TTC31: variants seen among roughly 807,000 people sequenced by gnomAD.
The protein encoded by TTC31 is tetratricopeptide repeat protein 31.
TTC31 carries 59 observed loss-of-function variants against 60.4 expected under a neutral mutation model. The ratio of observed to expected loss-of-function variants is 0.98; its 90% CI spans 0.79 to 1.21. The LOEUF is 1.21. TTC31 is among the 50% of genes most tolerant of loss of function. TTC31 has a pLI of 0.00. For missense variants in TTC31, 672 were observed against 646.9 expected (o/e 1.04, Z -0.42); for synonymous variants, 225 against 249.6 (o/e 0.90, Z 0.93).
intron 4 of TTC31, 27 bp downstream of exon 4, chr2:74,490,500 C>T (rs374588241): frequency 1.7e-5 from 27 of 1,570,912 alleles, no homozygotes; most frequent in East Asian, 4.7e-5. Flanking sequence ...AGGGCTTTGC[C>T]GTCCCCCAGG....
rs1223574979 is a variant in TTC31 at position 74,493,110 on chromosome 2, C to T, written c.1452C>T (p.Pro484=). The part of the protein sequence containing the change: ...PSCHRSHPNQ[P]LSQTQSRRPH... ...GTCACCGAAGCCACCCCAACCAGCC[C>T]CTCTCCCAGACTCAGAGTAGAAGGC... The change falls in exon 13 of 13, where the codon CCC becomes CCT. Residue 484 remains proline (P), a synonymous_variant. Coordinates refer to ENST00000233623, the MANE Select transcript of TTC31 (RefSeq NM_022492.6). 3 of 1,614,046 alleles carry T rather than the reference C, an allele frequency of 1.9e-6. No individual in the cohort carries two copies. Among genetic ancestry groups the T allele is most frequent in the Non-Finnish European group, 2.5e-6 (3 of 1,180,028 alleles).
At position 74,492,317 on chromosome 2, in the gene TTC31, C is replaced by A; in HGVS notation, c.1033C>A (p.Arg345Ser). 4 of 1,592,100 alleles carry A rather than the reference C, an allele frequency of 2.5e-6. No homozygotes were observed. In the South Asian group the frequency reaches 4.5e-5, roughly 18 times the overall value. Residue 345 changes from arginine (R) to serine (S), a missense_variant, in exon 11 of 13, where the codon CGT becomes AGT. Transcript: ENST00000233623. ...TGTCTTTATCAGGTTATTTGGAAAT[C>A]GTTCCTTCTGCCATGAGCGGTTGGG... ...NPQDHRLFGNRSFCHERLGQP... is the reference protein window; with the variant it reads ...NPQDHRLFGNSSFCHERLGQP...
intron 2 of TTC31, among the ~76,000 whole-genome samples, chr2:74,485,024 C>CT (rs544658393): frequency 0.013 from 1,658 of 122,900 alleles, 29 homozygotes; most frequent in South Asian, 0.052. Context: ...CTAAAATTTA[C>CT]TTTTTTTTTT....
In TTC31 at chr2:74,493,050, C is replaced by A. The variant is rs1254480131; in HGVS notation, c.1392C>A (p.Ser464=). 1 of 1,614,020 alleles carries A rather than the reference C, an allele frequency of 6.2e-7. No individual in the cohort carries two copies. The highest frequency in any genetic ancestry group is 1.3e-5 in the African/African-American group (1 of 74,900). ...GCCCTCGAAGCACTGCTTTGAGGTC[C>A]CCTGGCCTGTCTCCACTCTTGCATT... is the stretch of plus-strand genomic sequence containing the variant. ...LRCPRSTALR[S]PGLSPLLHYP... is the part of the protein sequence containing the mutation. The change falls in exon 13 of 13, where the codon TCC becomes TCA. Residue 464 remains serine, a synonymous_variant. Transcript: ENST00000233623.
chr2:74,492,679 A>G lies in TTC31; in HGVS notation c.1195A>G (p.Thr399Ala). The change falls in exon 12 of 13, where the codon ACT (threonine) becomes GCT (alanine). Residue 399 changes from threonine to alanine, a missense_variant. Physicochemically the swap from Thr to Ala is moderately conservative, Grantham distance 58 (BLOSUM62 0). Coordinates refer to ENST00000233623, the MANE Select transcript of TTC31 (RefSeq NM_022492.6). Reference protein sequence around the residue: ...FREAAAVFQETLRGGSQPDAA... With the variant: ...FREAAAVFQEALRGGSQPDAA... ...AGAGGCAGCTGCTGTGTTTCAGGAA[A>G]CTCTGAGAGGTGGGTCCCAGCCTGA... The G allele has an allele frequency of 1.2e-6, 2 of 1,613,926 alleles. No homozygotes were observed. The highest frequency in any genetic ancestry group is 2.2e-5 in the East Asian group (1 of 44,868).
intron 2 of TTC31, among the ~76,000 whole-genome samples, chr2:74,486,110 C>G (rs1250496349): frequency 6.6e-6 from 1 of 151,890 alleles, no homozygotes; most frequent in Non-Finnish European, 1.5e-5. Flanking sequence ...TACTAAAATA[C>G]AAAAAATTAG....
chr2:74,486,930 TC>T (rs1673184280), intron 2 of TTC31, among the ~76,000 whole-genome samples: 2 of 150,666 alleles, frequency 1.3e-5, no homozygotes, highest in Non-Finnish European at 2.9e-5. Flanking sequence ...AGAAGGCCTC[TC>T]TGAGAAAGTG....
Position 74,490,100 on chromosome 2 carries a change from A to G in TTC31, c.205A>G (p.Ser69Gly), listed in dbSNP as rs766651927. 2.5e-6 allele frequency: 4 copies of G among 1,591,432 alleles called. No homozygotes were observed. The highest frequency in any genetic ancestry group is 1.7e-4 in the Middle Eastern group (1 of 6,028). Residue 69 changes from serine (S) to glycine (G), a missense_variant, in exon 3 of 13, where the codon AGC becomes GGC. Coordinates refer to ENST00000233623, the MANE Select transcript of TTC31 (RefSeq NM_022492.6). ...GLHRIHVDGS[S>G]GRLQLWHHDY... ...GCACCGGATCCATGTGGATGGGAGC[A>G]GCGGGCGGCTGCAGCTGTGGCACCA...
Position 74,493,219 on chromosome 2 carries a change from G to A in TTC31, c.*1G>A, listed in dbSNP as rs752345943. 1 of 1,613,990 alleles carries A rather than the reference G, an allele frequency of 6.2e-7. No individual in the cohort carries two copies. The highest frequency in any genetic ancestry group is 1.1e-5 in the South Asian group (1 of 91,070). On this transcript the variant is annotated 3_prime_UTR_variant, in exon 13 of 13. Transcript: ENST00000233623. ...CCAGCATCTGTCTCAGGCCAGATGA[G>A]GGGGCACCGGTCCCTCATAGGGCAG...
chr2:74,485,300 A>G (rs1005946166), intron 2 of TTC31, among the ~76,000 whole-genome samples: 1 of 151,924 alleles, frequency 6.6e-6, no homozygotes, highest in Non-Finnish European at 1.5e-5. Flanking sequence ...CTGGGGTTAC[A>G]GGCATGAGCC....
In TTC31 at chr2:74,492,962, C is replaced by T; in HGVS notation, c.1304C>T (p.Pro435Leu). The T allele has an allele frequency of 6.2e-7, 1 of 1,613,338 alleles. No homozygotes were observed. Among genetic ancestry groups the T allele is most frequent in the Non-Finnish European group, 8.5e-7 (1 of 1,179,426 alleles). Residue 435 changes from proline (P) to leucine (L), a missense_variant, in exon 13 of 13, where the codon CCT becomes CTT. Physicochemically the swap from Pro to Leu is moderately conservative, Grantham distance 98. Transcript: ENST00000233623. ...RGGICAPPLS[P>L]GALQPLPHAE... ...GGAATCTGTGCACCACCTCTGTCAC[C>T]TGGGGCCCTCCAGCCACTTCCCCAT... is the stretch of plus-strand genomic sequence containing the variant.
In TTC31 at chr2:74,490,066, C is replaced by T. The variant is rs981822615; in HGVS notation, c.171C>T (p.Pro57=). 6.3e-7 allele frequency: 1 copy of T among 1,580,278 alleles called. No homozygotes were observed. ...TTCGACGGCTTGTGGAGAGTGATCCCCAGGGCCTGCACCGGATCCATGTGG... is the reference window on the plus strand; with the variant it reads ...TTCGACGGCTTGTGGAGAGTGATCCTCAGGGCCTGCACCGGATCCATGTGG... ...DFLRRLVESD[P]QGLHRIHVDG... is the part of the protein sequence containing the mutation. Residue 57 remains proline, a synonymous_variant, in exon 3 of 13, where the codon CCC becomes CCT. Coordinates refer to ENST00000233623, the MANE Select transcript of TTC31 (RefSeq NM_022492.6).
chr2:74,493,438 C>A lies in TTC31; in HGVS notation c.*220C>A. On this transcript the variant is annotated 3_prime_UTR_variant, in exon 13 of 13. Transcript: ENST00000233623. ...TTGGTTCTCAAGCTTCTTCTGGAGG[C>A]AGTAAGGAAAAATAAAACCCACCAA... The A allele has an allele frequency of 1.9e-6, 1 of 539,494 alleles. No homozygotes were observed. Among genetic ancestry groups the A allele is most frequent in the South Asian group, 3.1e-5 (1 of 32,768 alleles). The allele number at this position is 539,494 out of a possible 1,614,324, so 33.4% of individuals were successfully genotyped here. A position where few individuals can be genotyped will look rare whatever the true frequency, so the allele number is the denominator to read the frequency against.
rs367840106 is a variant in TTC31 at position 74,490,736 on chromosome 2, G to C, written c.543G>C (p.Lys181Asn). 5 of 1,612,588 alleles carry C rather than the reference G, an allele frequency of 3.1e-6. No homozygotes were observed. The African/African-American group carries it at 6.7e-5, about 22-fold the overall frequency. The change falls in exon 5 of 13, where the codon AAG becomes AAC. Residue 181 changes from lysine to asparagine, a missense_variant. Lys to Asn is a moderately conservative substitution (Grantham distance 94). Coordinates refer to ENST00000233623, the MANE Select transcript of TTC31 (RefSeq NM_022492.6). ...AAGCAGAGAAAAAGCGACTCAAGAA[G>C]AAGGTGGCTAGAGCATGGCTGGAGG... ...KQKAEKKRLK[K>N]KRQKERKRQE...
rs1674245203 is a variant in TTC31, at chr2:74,494,293, T to G, written c.*1075T>G. 6.6e-6 allele frequency: 1 copy of G among 152,248 alleles called. No homozygotes were observed. Among genetic ancestry groups the G allele is most frequent in the African/African-American group, 2.4e-5 (1 of 41,450 alleles). 9.4% of individuals were successfully genotyped at this position (152,248 alleles called of 1,614,324 possible). ...AGAGAGAAGGTATTGAAACATCTCC[T>G]TTATGTGTGACTTTCCCAAATTTTT... is the stretch of plus-strand genomic sequence containing the variant. On this transcript the variant is annotated 3_prime_UTR_variant, in exon 13 of 13. Transcript: ENST00000233623.
chr2:74,491,449 AC>A, intron 7 of TTC31, 31 bp from the exon 8 acceptor site: 1 of 1,550,224 alleles, frequency 6.5e-7, no homozygotes, highest in East Asian at 2.3e-5. Flanking sequence ...CTTCATCCCC[AC>A]CCCCTCCCTA....
intron 11 of TTC31, 48 bp downstream of exon 11, chr2:74,492,493 T>G: frequency 6.6e-7 from 1 of 1,524,390 alleles, no homozygotes; most frequent in Non-Finnish European, 8.8e-7. Context: ...TGGGATGGAG[T>G]GGGGAGAGGG....
chr2:74,490,392 C>T lies in TTC31; in HGVS notation c.381C>T (p.Pro127=), dbSNP rs959093122. 2.5e-6 allele frequency: 4 copies of T among 1,614,104 alleles called. No homozygotes were observed. The highest frequency in any genetic ancestry group is 2.2e-5 in the South Asian group (2 of 91,070). ...AGTCTGAGCCCTGCCCTCAAAGCCC[C>T]TCTGCCTCTGCCACCTTCCCCAGTG... The part of the protein sequence containing the change: ...PQESEPCPQS[P]SASATFPSVS... The change falls in exon 4 of 13, where the codon CCC becomes CCT. Residue 127 remains proline (P), a synonymous_variant. Transcript: ENST00000233623.
chr2:74,489,221 G>C (rs1673519636), intron 2 of TTC31, among the ~76,000 whole-genome samples: 1 of 152,228 alleles, frequency 6.6e-6, no homozygotes, highest in Admixed American at 6.5e-5. Context: ...AGGAGGCAGA[G>C]ATAATTGGAG....
Sources: allele counts gnomAD v4.1 joint callset (sites outside exome capture counted in the v4.1 genomes callset), GRCh38; gene constraint gnomAD v4.1.1; transcripts MANE v1.5; gene names NCBI Gene and HGNC (gene_info 2026-07-23, HGNC 2026-07-21).